MYRIP: variants seen among roughly 807,000 people sequenced by gnomAD.
The protein encoded by MYRIP is myosin VIIA and Rab interacting protein.
Under a neutral mutation model 98.0 loss-of-function variants are expected in MYRIP, and 49 were observed. That is an observed-to-expected ratio of 0.50 (90% CI 0.40 to 0.63). MYRIP has a LOEUF of 0.63. Ranked by LOEUF, MYRIP falls within the 30% of genes least tolerant of loss-of-function variation. The pLI, the probability that MYRIP is intolerant of heterozygous loss-of-function variation, is 0.00. For missense variants in MYRIP, 1,004 were observed against 1,058.2 expected, an observed-to-expected ratio of 0.95 and a Z score of 0.71; for synonymous variants, 404 against 409.5, an observed-to-expected ratio of 0.99 and a Z score of 0.16.
At chr3:39,975,537 GA>G (rs1945726193) in intron 2 of MYRIP, among the ~76,000 whole-genome samples, 1 of 151,838 alleles carries the variant, frequency 6.6e-6, no homozygotes, top group Non-Finnish European at 1.5e-5. Context: ...CACAGAATTG[GA>G]AGAAAACTAC....
At chr3:40,122,449 A>G (rs761527476) in intron 3 of MYRIP, among the ~76,000 whole-genome samples, 3 of 151,578 alleles carry the variant, frequency 2.0e-5, no homozygotes, top group Non-Finnish European at 4.4e-5. Context: ...TGCTTCTTGT[A>G]GAAAATATAC....
chr3:39,843,981 A>C (rs1941885110), intron 1 of MYRIP, among the ~76,000 whole-genome samples: 1 of 152,176 alleles, frequency 6.6e-6, no homozygotes, highest in South Asian at 2.1e-4. Flanking sequence ...AGACTCATTG[A>C]ACAAGCACTG....
At chr3:39,975,386 G>T (rs1395657170) in intron 2 of MYRIP, among the ~76,000 whole-genome samples, 1 of 151,700 alleles carries the variant, frequency 6.6e-6, no homozygotes, top group Non-Finnish European at 1.5e-5. Flanking sequence ...CACTGCTCAA[G>T]GAAATAAAAG....
intron 3 of MYRIP, among the ~76,000 whole-genome samples, chr3:40,096,060 C>T (rs1368328090): frequency 6.6e-6 from 1 of 151,512 alleles, no homozygotes; most frequent in Admixed American, 6.6e-5. Context: ...GACTCCAGCA[C>T]CCACACCCCC....
rs141885695 is a variant in MYRIP, at chr3:40,074,296, G to A, written c.332+30025G>A. ...TCACCGTGTTAGCCAAGATGGTTTC[G>A]ATCTCCTGACCTCAAGATCTGCCCA... On this transcript the variant is annotated intron_variant, in intron 3 of 16. Coordinates refer to ENST00000302541, the MANE Select transcript of MYRIP (RefSeq NM_015460.4). Among the ~76,000 whole-genome samples, 392 of 151,976 alleles carry A rather than the reference G, an allele frequency of 2.6e-3. 2 individuals carry two copies. Among genetic ancestry groups the A allele is most frequent in the Middle Eastern group, 0.01 (3 of 294 alleles).
At chr3:40,156,932 A>G (rs953423989) in intron 4 of MYRIP, among the ~76,000 whole-genome samples, 10 of 152,170 alleles carry the variant, frequency 6.6e-5, no homozygotes, top group Non-Finnish European at 1.3e-4. Flanking sequence ...CAATCATGTC[A>G]TCTGCAAACA....
intron 11 of MYRIP, among the ~76,000 whole-genome samples, chr3:40,229,102 A>C (rs1952570260): frequency 6.6e-6 from 1 of 152,234 alleles, no homozygotes; most frequent in Admixed American, 6.5e-5. Context: ...TAACGAGCAG[A>C]TATAGCTACT....
intron 2 of MYRIP, among the ~76,000 whole-genome samples, chr3:39,962,194 C>T (rs560821168): frequency 9.2e-5 from 14 of 152,236 alleles, no homozygotes; most frequent in South Asian, 2.1e-4. Flanking sequence ...TACCACCTAT[C>T]TCCAGATTGT....
Position 39,900,089 on chromosome 3 carries a change from G to A in MYRIP, c.-30-698G>A, listed in dbSNP as rs181119526. Among the ~76,000 whole-genome samples the A allele has an allele frequency of 5.3e-5, 8 of 152,262 alleles. No homozygotes were observed. The East Asian group carries it at 1.4e-3, about 26-fold the overall frequency. On this transcript the variant is annotated intron_variant, in intron 1 of 16. Transcript: ENST00000302541. The stretch of plus-strand genomic sequence containing the variant: ...GCCCACTTCGGCCTCCCAAAGTGCC[G>A]GGATTACAGGCTTGAGCCACTGTGC...
At chr3:40,091,692 C>T (rs1948739881) in intron 3 of MYRIP, among the ~76,000 whole-genome samples, 1 of 152,114 alleles carries the variant, frequency 6.6e-6, no homozygotes, top group African/African-American at 2.4e-5. Flanking sequence ...TGAGTATTCC[C>T]ATCATGGCAA....
At chr3:39,890,921 A>G (rs1683337154) in intron 1 of MYRIP, among the ~76,000 whole-genome samples, 1 of 151,930 alleles carries the variant, frequency 6.6e-6, no homozygotes, top group South Asian at 2.1e-4. Context: ...GAAGAAGGGT[A>G]GTTTTGCTGG....
At chr3:40,087,752 G>A (rs1948657779) in intron 3 of MYRIP, among the ~76,000 whole-genome samples, 1 of 152,246 alleles carries the variant, frequency 6.6e-6, no homozygotes, top group African/African-American at 2.4e-5. Context: ...TCTGGATCCA[G>A]AACGAGTCTG....
intron 2 of MYRIP, among the ~76,000 whole-genome samples, chr3:40,026,037 C>T (rs905067593): frequency 6.6e-6 from 1 of 152,006 alleles, no homozygotes; most frequent in Non-Finnish European, 1.5e-5. Context: ...TGTGGTTTTT[C>T]CCCACCCTAG....
intron 9 of MYRIP, among the ~76,000 whole-genome samples, chr3:40,187,622 C>T (rs757523690): frequency 2.0e-5 from 3 of 152,198 alleles, no homozygotes; most frequent in African/African-American, 4.8e-5. Flanking sequence ...CCTCTGGCTT[C>T]GAGACCACTG....
At chr3:40,002,439 G>T (rs1370245514) in intron 2 of MYRIP, among the ~76,000 whole-genome samples, 1 of 152,052 alleles carries the variant, frequency 6.6e-6, no homozygotes, top group Admixed American at 6.5e-5. Flanking sequence ...GGAGGCTGAG[G>T]CAGGAGAATC....
At chr3:40,159,713 T>C (rs528949215) in intron 4 of MYRIP, among the ~76,000 whole-genome samples, 106 of 152,332 alleles carry the variant, frequency 7.0e-4, no homozygotes, top group African/African-American at 2.4e-3. Context: ...CTTTTTTCTC[T>C]AAACTTCCCT....
intron 3 of MYRIP, among the ~76,000 whole-genome samples, chr3:40,056,054 G>A (rs759522106): frequency 3.3e-5 from 5 of 152,196 alleles, no homozygotes; most frequent in African/African-American, 9.7e-5. Context: ...CCCCACTAAG[G>A]AAGTGGTAAA....
In MYRIP at chr3:39,944,377, TA is replaced by T. The variant is rs760713190; in HGVS notation, c.110+43453del. 4.1e-4 allele frequency among the ~76,000 whole-genome samples: 62 copies of T among 152,142 alleles called. 1 individual carries two copies. The highest frequency in any genetic ancestry group is 1.6e-4 in the Non-Finnish European group (11 of 67,984). ...TGCCATGTTGTTATTAAAAAAAGAA[TA>T]AGGAAGTACTCTATACTGATACACA... On this transcript the variant is annotated intron_variant, in intron 2 of 16. Transcript: ENST00000302541.
intron 10 of MYRIP, among the ~76,000 whole-genome samples, chr3:40,201,993 C>CT (rs1268334751): frequency 6.6e-6 from 1 of 152,186 alleles, no homozygotes. Flanking sequence ...CTCTGAACAG[C>CT]TGTGCCAAAG....
Sources: gnomAD v4.1 joint callset for allele counts (sites outside exome capture counted in the v4.1 genomes callset) on GRCh38, gnomAD v4.1.1 for gene constraint, MANE v1.5 for transcripts, NCBI Gene and HGNC (gene_info 2026-07-23, HGNC 2026-07-21) for gene names.